CHST6: variants seen among roughly 807,000 people sequenced by gnomAD.
CHST6 encodes the protein carbohydrate sulfotransferase 6.
For synonymous variants in CHST6, 309 were observed against 276.4 expected, an observed-to-expected ratio of 1.12 and a Z score of -1.17; for missense variants, 698 against 586.2, an observed-to-expected ratio of 1.19 and a Z score of -1.97.
chr16:75,480,829 C>T (rs1346175739), intron 2 of CHST6, among the ~76,000 whole-genome samples: 2 of 149,026 alleles, frequency 1.3e-5, no homozygotes, highest in South Asian at 2.1e-4. Flanking sequence ...ACTCAGGAGG[C>T]TGAGGCAGGA....
rs750138212 is a variant in CHST6, at chr16:75,474,958, G to T, written c.*3683C>A. 3.4e-5 allele frequency: 11 copies of T among 323,346 alleles called. No homozygotes were observed. The highest frequency in any genetic ancestry group is 9.9e-5 in the Admixed American group (2 of 20,258). 20.0% of individuals were successfully genotyped at this position (323,346 alleles called of 1,614,324 possible). A position where few individuals can be genotyped will look rare whatever the true frequency, so the allele number is the denominator to read the frequency against. On this transcript the variant is annotated 3_prime_UTR_variant, in exon 3 of 3. Transcript: ENST00000332272. ...TTACAGGCATGTGCCACCACACCTGGCTAATTTTTGTATTTTAACTAGAAA... is the reference window on the plus strand; with the variant it reads ...TTACAGGCATGTGCCACCACACCTGTCTAATTTTTGTATTTTAACTAGAAA...
intron 1 of CHST6, among the ~76,000 whole-genome samples, chr16:75,490,013 C>T (rs1311602376): frequency 2.0e-5 from 3 of 149,590 alleles, no homozygotes; most frequent in Non-Finnish European, 4.4e-5. Context: ...CCCGTCTCTA[C>T]TAAAAATACC....
intron 2 of CHST6, among the ~76,000 whole-genome samples, chr16:75,480,383 T>G (rs1409425405): frequency 2.6e-5 from 4 of 152,140 alleles, no homozygotes; most frequent in Non-Finnish European, 5.9e-5. Context: ...AACAAAATAT[T>G]GGATCGCCCC....
rs1413387627 is a variant in CHST6, at chr16:75,472,058, G to T, written c.*6583C>A. On this transcript the variant is annotated 3_prime_UTR_variant, in exon 3 of 3. Transcript: ENST00000332272. ...CTACTAAAGTACTGGAAGCAAGCGT[G>T]AAGACCATTTTTATCACTGTAGCAG... is the stretch of plus-strand genomic sequence containing the variant. The T allele has an allele frequency of 6.6e-6, 1 of 152,196 alleles. No individual in the cohort carries two copies. The highest frequency in any genetic ancestry group is 1.5e-5 in the Non-Finnish European group (1 of 68,038). The allele number at this position is 152,196 out of a possible 1,614,324, so 9.4% of individuals were successfully genotyped here. A position where few individuals can be genotyped will look rare whatever the true frequency, so the allele number is the denominator to read the frequency against.
intron 1 of CHST6, chr16:75,490,641 G>A (rs1458625735): frequency 2.0e-5 from 3 of 151,968 alleles, no homozygotes. Flanking sequence ...CAGAGACGTG[G>A]GGATCCTCAT....
chr16:75,474,638 A>G lies in CHST6; in HGVS notation c.*4003T>C, dbSNP rs942544702. 11 of 398,882 alleles carry G rather than the reference A, an allele frequency of 2.8e-5. No individual in the cohort carries two copies. The highest frequency in any genetic ancestry group is 4.9e-5 in the Non-Finnish European group (11 of 226,396). 24.7% of individuals were successfully genotyped at this position (398,882 alleles called of 1,614,324 possible). A position where few individuals can be genotyped will look rare whatever the true frequency, so the allele number is the denominator to read the frequency against. On this transcript the variant is annotated 3_prime_UTR_variant, in exon 3 of 3. Coordinates refer to ENST00000332272, the MANE Select transcript of CHST6 (RefSeq NM_021615.5). ...AGTTCTGGAGGCTGGGAAGCCCAAG[A>G]TCAAGGAGCCAGCATCTAGCGAGAG...
At position 75,475,288 on chromosome 16, in the gene CHST6, A is replaced by G. The variant is rs2080055196; in HGVS notation, c.*3353T>C. ...GTTTTGCTTCCAAGGCCTATGCTTC[A>G]AACTGGCTCACAGGAAGTTGCACTA... is the stretch of plus-strand genomic sequence containing the variant. On this transcript the variant is annotated 3_prime_UTR_variant, in exon 3 of 3. Coordinates refer to ENST00000332272, the MANE Select transcript of CHST6 (RefSeq NM_021615.5). The G allele has an allele frequency of 6.6e-6, 1 of 152,278 alleles. No homozygotes were observed. The highest frequency in any genetic ancestry group is 2.4e-5 in the African/African-American group (1 of 41,462). 9.4% of individuals were successfully genotyped at this position (152,278 alleles called of 1,614,324 possible).
At chr16:75,493,105 C>G (rs747864084) in intron 1 of CHST6, among the ~76,000 whole-genome samples, 1 of 152,126 alleles carries the variant, frequency 6.6e-6, no homozygotes, top group Non-Finnish European at 1.5e-5. Context: ...TGGTGTCTGT[C>G]TCATTAAAGA....
In CHST6 at chr16:75,479,370, G is replaced by T; in HGVS notation, c.459C>A (p.Cys153Ter). ...GGGCCAGGGTGAAGGACTGCCGCGC[G>T]CACAGTGGCTTGCACACGGCCTCGC... Reference protein sequence around the residue: ...ISSEAVCKPLCARQSFTLARE... With the variant: ...ISSEAVCKPL The change falls in exon 3 of 3, where the codon TGC (cysteine) becomes TGA (stop). Residue 153 changes from cysteine to a stop codon, truncating the protein, a stop_gained. Coordinates refer to ENST00000332272, the MANE Select transcript of CHST6 (RefSeq NM_021615.5). LOFTEE classifies it low-confidence loss of function (END_TRUNC). 2 of 1,612,746 alleles carry T rather than the reference G, an allele frequency of 1.2e-6. No individual in the cohort carries two copies. Among genetic ancestry groups the T allele is most frequent in the Non-Finnish European group, 1.7e-6 (2 of 1,179,784 alleles).
rs771919817 is a variant in CHST6, at chr16:75,478,699, G to A, written c.1130C>T (p.Pro377Leu). The change falls in exon 3 of 3, where the codon CCA becomes CTA. Residue 377 changes from proline to leucine, a missense_variant. Coordinates refer to ENST00000332272, the MANE Select transcript of CHST6 (RefSeq NM_021615.5). ...QRNLALDLVL[P>L]RGLNGFTWAS... ...CCAAGTGAAGCCGTTCAGGCCTCGT[G>A]GCAGCACCAGATCAAGGGCGAGGTT... 1.9e-6 allele frequency: 3 copies of A among 1,613,710 alleles called. No individual in the cohort carries two copies. Among genetic ancestry groups the A allele is most frequent in the Non-Finnish European group, 2.5e-6 (3 of 1,180,038 alleles).
chr16:75,484,556 T>G (rs555176484), intron 1 of CHST6, among the ~76,000 whole-genome samples: 2 of 151,826 alleles, frequency 1.3e-5, no homozygotes, highest in Non-Finnish European at 1.5e-5. Context: ...ATAGGTGTTG[T>G]ATAAAATTCT....
At position 75,487,596 on chromosome 16, in the gene CHST6, G is replaced by A. The variant is rs150037879; in HGVS notation, c.-91-5705C>T. On this transcript the variant is annotated intron_variant, in intron 1 of 2. Transcript: ENST00000332272. ...GGGTGGATCACAAGGTCAAGAGATC[G>A]ACATCTTCTTGGCTAACACAGTGAA... Among the ~76,000 whole-genome samples, 40 of 152,058 alleles carry A rather than the reference G, an allele frequency of 2.6e-4. No individual in the cohort carries two copies. In the East Asian group the frequency reaches 4.1e-3, roughly 15 times the overall value.
Position 75,479,755 on chromosome 16 carries a change from AG to A in CHST6, c.73del (p.Leu25TrpfsTer45). On this transcript the variant is annotated frameshift_variant, in exon 3 of 3. Coordinates refer to ENST00000332272, the MANE Select transcript of CHST6 (RefSeq NM_021615.5). LOFTEE classifies it low-confidence loss of function (END_TRUNC). ...GGACGAGGGCCCTGGCCGGGAAACC[AG>A]AAAGAGGAGGAGGAAGGTCTGCGCC... ...LLAQTFLLLF[L>X]VSRPGPSSPA... is the part of the protein sequence containing the mutation. The A allele has an allele frequency of 6.2e-7, 1 of 1,601,710 alleles. No individual in the cohort carries two copies. Among genetic ancestry groups the A allele is most frequent in the Non-Finnish European group, 8.5e-7 (1 of 1,174,722 alleles).
intron 1 of CHST6, among the ~76,000 whole-genome samples, chr16:75,488,163 G>C (rs1376513640): frequency 6.6e-6 from 1 of 152,164 alleles, no homozygotes; most frequent in Non-Finnish European, 1.5e-5. Flanking sequence ...GGTCATCCCT[G>C]TTCGAGAATC....
rs2080028370 is a variant in CHST6 at position 75,472,167 on chromosome 16, CTT to C, written c.*6472_*6473del. ...CAACAATATGATAAACTAGGTGAAA[CTT>C]TTTGAAATTTGATTGTGATGAGGTG... On this transcript the variant is annotated 3_prime_UTR_variant, in exon 3 of 3. Transcript: ENST00000332272. 6.6e-6 allele frequency: 1 copy of C among 152,056 alleles called. No individual in the cohort carries two copies. Among genetic ancestry groups the C allele is most frequent in the Non-Finnish European group, 1.5e-5 (1 of 68,004 alleles). 9.4% of individuals were successfully genotyped at this position (152,056 alleles called of 1,614,324 possible).
chr16:75,494,362 T>C (rs2080287831), intron 1 of CHST6, among the ~76,000 whole-genome samples: 1 of 152,214 alleles, frequency 6.6e-6, no homozygotes, highest in African/African-American at 2.4e-5. Flanking sequence ...GTACTTGGCC[T>C]ACTCGCTTGT....
chr16:75,493,562 C>T (rs2080279184), intron 1 of CHST6, among the ~76,000 whole-genome samples: 1 of 151,406 alleles, frequency 6.6e-6, no homozygotes, highest in African/African-American at 2.4e-5. Context: ...CAATATAACC[C>T]AACTCATGGG....
At position 75,475,348 on chromosome 16, in the gene CHST6, A is replaced by C. The variant is rs998814556; in HGVS notation, c.*3293T>G. 2 of 152,478 alleles carry C rather than the reference A, an allele frequency of 1.3e-5. No individual in the cohort carries two copies. Among genetic ancestry groups the C allele is most frequent in the Non-Finnish European group, 2.9e-5 (2 of 68,114 alleles). The allele number at this position is 152,478 out of a possible 1,614,324, so 9.4% of individuals were successfully genotyped here. ...ACAGGACAAAGCAAGTCACAGGACC[A>C]GCCTGGATTCAGAGGTGGAGAAACA... On this transcript the variant is annotated 3_prime_UTR_variant, in exon 3 of 3. Transcript: ENST00000332272.
At position 75,478,367 on chromosome 16, in the gene CHST6, C is replaced by A; in HGVS notation, c.*274G>T. ...GAAAGCCCTTGAGTAGGAGCCAAGT[C>A]ATCTGAACGCACACCCTGTGCCCAG... On this transcript the variant is annotated 3_prime_UTR_variant, in exon 3 of 3. Transcript: ENST00000332272. 1 of 508,692 alleles carries A rather than the reference C, an allele frequency of 2.0e-6. No homozygotes were observed. The highest frequency in any genetic ancestry group is 3.6e-6 in the Non-Finnish European group (1 of 281,264). 31.5% of individuals were successfully genotyped at this position (508,692 alleles called of 1,614,324 possible).
Sources: allele counts gnomAD v4.1 joint callset (sites outside exome capture counted in the v4.1 genomes callset), GRCh38; gene constraint gnomAD v4.1.1; transcripts MANE v1.5; gene names NCBI Gene and HGNC (gene_info 2026-07-23, HGNC 2026-07-21).